EYS: variants seen among roughly 807,000 people sequenced by gnomAD.
The protein encoded by EYS is EGF-like photoreceptor maintenance factor.
A neutral mutation model predicts 282.1 loss-of-function variants in EYS; 250 were observed. The observed-to-expected ratio is 0.89, with a 90% confidence interval of 0.80 to 0.98. The LOEUF (loss-of-function observed/expected upper bound fraction) is 0.98. Ranked by LOEUF, EYS falls within the 50% of genes least tolerant of loss-of-function variation. EYS has a pLI of 0.00. For missense variants in EYS, 4,016 were observed against 3,709.0 expected, an observed-to-expected ratio of 1.08 and a Z score of -2.15; for synonymous variants, 1,355 against 1,282.9, an observed-to-expected ratio of 1.06 and a Z score of -1.20.
intron 8 of EYS, among the ~76,000 whole-genome samples, chr6:65,356,019 C>T (rs907969861): frequency 3.9e-5 from 6 of 151,976 alleles, no homozygotes; most frequent in African/African-American, 1.4e-4. Context: ...AAAAGAGATA[C>T]CAGCACAAGT....
At chr6:64,141,761 T>C (rs1196773636) in intron 31 of EYS, among the ~76,000 whole-genome samples, 9 of 152,200 alleles carry the variant, frequency 5.9e-5, no homozygotes, top group Non-Finnish European at 1.3e-4. Flanking sequence ...TTTTCTTCAC[T>C]GTAAGAATAA....
In EYS at chr6:65,211,273, T is replaced by A. The variant is rs180790903; in HGVS notation, c.2023+84590A>T. On this transcript the variant is annotated intron_variant, in intron 12 of 42. Coordinates refer to ENST00000503581, the MANE Select transcript of EYS (RefSeq NM_001142800.2). Reference sequence around the variant, plus strand: ...TTGGTGCTGCTGATACCTTTAAGCATCTCTATTATTTTCATATTCTAACAG... The same window carrying A: ...TTGGTGCTGCTGATACCTTTAAGCAACTCTATTATTTTCATATTCTAACAG... 2.9e-3 allele frequency among the ~76,000 whole-genome samples: 438 copies of A among 152,148 alleles called. 2 individuals carry two copies. The highest frequency in any genetic ancestry group is 3.8e-3 in the Non-Finnish European group (261 of 67,942).
chr6:64,316,628 C>A (rs1769976554), intron 29 of EYS, among the ~76,000 whole-genome samples: 1 of 152,058 alleles, frequency 6.6e-6, no homozygotes, highest in Non-Finnish European at 1.5e-5. Context: ...TCTAAAATGG[C>A]CATACTGCCC....
At chr6:65,449,280 CAT>C (rs1230530867) in intron 5 of EYS, among the ~76,000 whole-genome samples, 1 of 152,070 alleles carries the variant, frequency 6.6e-6, no homozygotes, top group Non-Finnish European at 1.5e-5. Flanking sequence ...CTGCCTATAG[CAT>C]AGACGGCCAG....
At chr6:63,899,221 T>G (rs1773605369) in intron 35 of EYS, among the ~76,000 whole-genome samples, 1 of 152,204 alleles carries the variant, frequency 6.6e-6, no homozygotes, top group South Asian at 2.1e-4. Context: ...AGACTCATAC[T>G]GCCTATTAAT....
intron 1 of EYS, among the ~76,000 whole-genome samples, chr6:65,662,844 TATAAA>T (rs1482309853): frequency 6.6e-6 from 1 of 152,174 alleles, no homozygotes; most frequent in African/African-American, 2.4e-5. Flanking sequence ...TCAAGGTTGT[TATAAA>T]ATGTGACGAT....
intron 12 of EYS, among the ~76,000 whole-genome samples, chr6:65,066,316 C>G (rs144197987): frequency 1.1e-3 from 161 of 152,186 alleles, no homozygotes; most frequent in African/African-American, 3.6e-3. Flanking sequence ...TTGATTGTAC[C>G]TTTAGCAATT....
At chr6:64,511,282 T>C in intron 26 of EYS, among the ~76,000 whole-genome samples, 1 of 148,612 alleles carries the variant, frequency 6.7e-6, no homozygotes, top group Non-Finnish European at 1.5e-5. Context: ...ATATATATGA[T>C]ATATATGTTT....
Position 64,012,297 on chromosome 6 carries a change from G to A in EYS, c.6726-13114C>T, listed in dbSNP as rs546849523. ...ATCTTCTTAGGCTACATTTAAGATA[G>A]AAAGAGGGTAAGTTCAGTTGTTAGC... On this transcript the variant is annotated intron_variant, in intron 33 of 42. Transcript: ENST00000503581. Among the ~76,000 whole-genome samples, 157 of 152,254 alleles carry A rather than the reference G, an allele frequency of 1.0e-3. 1 individual carries two copies. The highest frequency in any genetic ancestry group is 5.8e-3 in the South Asian group (28 of 4,820).
In EYS at chr6:64,627,947, G is replaced by A. The variant is rs1051542969; in HGVS notation, c.3444-1702C>T. Among the ~76,000 whole-genome samples, 8 of 152,278 alleles carry A rather than the reference G, an allele frequency of 5.3e-5. 1 individual carries two copies. Among genetic ancestry groups the A allele is most frequent in the Admixed American group, 3.9e-4 (6 of 15,304 alleles). On this transcript the variant is annotated intron_variant, in intron 22 of 42. Transcript: ENST00000503581. ...TACAAAAAATTAGCCGGGCGTGGTG[G>A]CGGGCTTCTGTAGTCCCAGCTACTC... is the stretch of plus-strand genomic sequence containing the variant.
At chr6:64,892,806 G>A (rs1365216485) in intron 18 of EYS, among the ~76,000 whole-genome samples, 1 of 152,032 alleles carries the variant, frequency 6.6e-6, no homozygotes, top group African/African-American at 2.4e-5. Context: ...CATTCGGATT[G>A]ATGACTGTTT....
intron 5 of EYS, among the ~76,000 whole-genome samples, chr6:65,455,973 G>A (rs546330751): frequency 1.8e-4 from 26 of 146,200 alleles, no homozygotes; most frequent in African/African-American, 6.2e-4. Flanking sequence ...AGGAAGGAAG[G>A]GGAAAGAAAG....
intron 13 of EYS, among the ~76,000 whole-genome samples, chr6:65,030,302 A>G (rs902391913): frequency 2.4e-4 from 36 of 152,038 alleles, no homozygotes; most frequent in Non-Finnish European, 2.2e-4. Context: ...CCTGGTGGCC[A>G]TTGCCATAGG....
At chr6:65,068,261 G>T (rs1773805057) in intron 12 of EYS, among the ~76,000 whole-genome samples, 4 of 152,062 alleles carry the variant, frequency 2.6e-5, no homozygotes. Flanking sequence ...CGAATGTTAA[G>T]GAAATCCATT....
chr6:64,323,135 C>T (rs1467909692), intron 29 of EYS, among the ~76,000 whole-genome samples: 1 of 102,564 alleles, frequency 9.8e-6, no homozygotes, highest in South Asian at 3.6e-4. Flanking sequence ...TCAACCATTA[C>T]TACAATTAAT....
chr6:64,750,023 G>T (rs985772594), intron 22 of EYS, among the ~76,000 whole-genome samples: 1 of 151,712 alleles, frequency 6.6e-6, no homozygotes, highest in Non-Finnish European at 1.5e-5. Context: ...ATTTTATTTT[G>T]TCATTTGGGA....
At chr6:64,416,031 C>T (rs561587963) in intron 28 of EYS, among the ~76,000 whole-genome samples, 2 of 152,248 alleles carry the variant, frequency 1.3e-5, no homozygotes, top group Admixed American at 6.5e-5. Flanking sequence ...TGCTCGTGTG[C>T]TATTCCAAAA....
chr6:64,504,179 C>G (rs1024765956), intron 26 of EYS, among the ~76,000 whole-genome samples: 3 of 152,166 alleles, frequency 2.0e-5, no homozygotes, highest in African/African-American at 7.2e-5. Context: ...GAGTTCTAGC[C>G]TTATAGCTGA....
intron 19 of EYS, among the ~76,000 whole-genome samples, chr6:64,850,283 C>A (rs770369290): frequency 6.6e-6 from 1 of 152,030 alleles, no homozygotes; most frequent in Admixed American, 6.6e-5. Context: ...TAATTTCCCC[C>A]AGCCTTTGAA....
Sources: gnomAD v4.1 joint callset for allele counts (sites outside exome capture counted in the v4.1 genomes callset) on GRCh38, gnomAD v4.1.1 for gene constraint, MANE v1.5 for transcripts, NCBI Gene and HGNC (gene_info 2026-07-23, HGNC 2026-07-21) for gene names.